Variants in LRP1B observed in about 807,000 individuals in gnomAD.
LRP1B encodes low-density lipoprotein receptor-related protein 1B.
In LRP1B, 217 loss-of-function variants were observed where a neutral mutation model predicts 556.6. The observed-to-expected ratio is 0.39, with a 90% CI of 0.35 to 0.44. LRP1B has a LOEUF of 0.44. LRP1B is among the 20% of genes least tolerant of loss of function. The pLI is 1.00. For missense variants in LRP1B, 5,053 were observed against 5,620.8 expected, an observed-to-expected ratio of 0.90 and a Z score of 3.23; for synonymous variants, 2,047 against 1,865.8, an observed-to-expected ratio of 1.10 and a Z score of -2.50.
At chr2:141,074,630 CAT>C (rs1699739589) in intron 7 of LRP1B, among the ~76,000 whole-genome samples, 1 of 36,576 alleles carries the variant, frequency 2.7e-5, no homozygotes, top group African/African-American at 6.3e-5. Context: ...ATATAAAACA[CAT>C]ATATTACATA....
At chr2:140,740,619 A>G (rs970544320) in intron 35 of LRP1B, among the ~76,000 whole-genome samples, 5 of 152,128 alleles carry the variant, frequency 3.3e-5, no homozygotes, top group Non-Finnish European at 7.3e-5. Context: ...GAACTTACTC[A>G]TGTAACCAAA....
chr2:141,125,219 T>A (rs537807964), intron 7 of LRP1B, among the ~76,000 whole-genome samples: 1 of 152,206 alleles, frequency 6.6e-6, no homozygotes. Context: ...AAAAACCTTC[T>A]GCAATTTATA....
At chr2:141,529,095 TGAC>T (rs1684788123) in intron 2 of LRP1B, among the ~76,000 whole-genome samples, 1 of 152,200 alleles carries the variant, frequency 6.6e-6, no homozygotes, top group African/African-American at 2.4e-5. Flanking sequence ...TTGGCAACAT[TGAC>T]CGTGAAGCCT....
intron 71 of LRP1B, among the ~76,000 whole-genome samples, chr2:140,368,375 T>C (rs1048270804): frequency 3.3e-5 from 5 of 151,814 alleles, no homozygotes; most frequent in African/African-American, 4.8e-5. Context: ...CTCATCTTAA[T>C]TGGGTTGAGA....
chr2:141,989,476 T>A (rs1196723983), intron 1 of LRP1B, among the ~76,000 whole-genome samples: 1 of 152,110 alleles, frequency 6.6e-6, no homozygotes, highest in Non-Finnish European at 1.5e-5. Context: ...TATTACATTT[T>A]TATATATATG....
intron 87 of LRP1B, 77 bp downstream of exon 87, chr2:140,247,009 T>A: frequency 9.8e-7 from 1 of 1,021,930 alleles, no homozygotes; most frequent in Non-Finnish European, 1.5e-6. Flanking sequence ...GTTCTAAGAC[T>A]CATCTCACTC....
intron 66 of LRP1B, among the ~76,000 whole-genome samples, chr2:140,411,604 G>A (rs1248463365): frequency 1.3e-5 from 2 of 151,978 alleles, no homozygotes; most frequent in Non-Finnish European, 2.9e-5. Flanking sequence ...GTTAGTTGGT[G>A]ACAAAACCGC....
chr2:140,646,268 G>A (rs1290596062), intron 41 of LRP1B, among the ~76,000 whole-genome samples: 2 of 152,078 alleles, frequency 1.3e-5, no homozygotes, highest in African/African-American at 2.4e-5. Flanking sequence ...AAAGTGCTTG[G>A]GTCTGTGACA....
intron 62 of LRP1B, among the ~76,000 whole-genome samples, chr2:140,454,543 T>C (rs992954583): frequency 2.6e-5 from 4 of 152,152 alleles, no homozygotes; most frequent in Admixed American, 2.6e-4. Context: ...ATTGTACACA[T>C]TTGGATTTGT....
At chr2:140,707,567 T>A (rs1686883549) in intron 37 of LRP1B, among the ~76,000 whole-genome samples, 1 of 152,080 alleles carries the variant, frequency 6.6e-6, no homozygotes, top group African/African-American at 2.4e-5. Context: ...ACTCTATAAG[T>A]CAACATGTCC....
chr2:141,506,792 T>A (rs1315789134), intron 2 of LRP1B, among the ~76,000 whole-genome samples: 1 of 152,164 alleles, frequency 6.6e-6, no homozygotes, highest in Non-Finnish European at 1.5e-5. Context: ...TTTCTTGTGT[T>A]TTTTATGTTA....
Sources: allele counts gnomAD v4.1 joint callset (sites outside exome capture counted in the v4.1 genomes callset), GRCh38; gene constraint gnomAD v4.1.1; transcripts MANE v1.5; gene names NCBI Gene and HGNC (gene_info 2026-07-23, HGNC 2026-07-21).